MEGF9: variants seen among roughly 807,000 people sequenced by gnomAD.
MEGF9 encodes multiple EGF like domains 9.
MEGF9 carries 6 observed loss-of-function variants against 46.8 expected under a neutral mutation model. The ratio of observed to expected loss-of-function variants is 0.13; its 90% CI spans 0.07 to 0.25. MEGF9 has a LOEUF of 0.25. Ranked by LOEUF, MEGF9 falls within the 10% of genes least tolerant of loss-of-function variation. The pLI, the probability that MEGF9 is intolerant of heterozygous loss-of-function variation, is 1.00. For missense variants in MEGF9, 683 were observed against 792.4 expected (o/e 0.86, Z 1.66); for synonymous variants, 302 against 330.7 (o/e 0.91, Z 0.94).
rs775513446 is a variant in MEGF9 at position 120,605,110 on chromosome 9, A to G, written c.*80T>C. Reference sequence around the variant, plus strand: ...TGCCTTTGCTTTCTCAGCAAACTCTAGCCAGGCTTTGTCTGGCCCAGGGGC... The same window carrying G: ...TGCCTTTGCTTTCTCAGCAAACTCTGGCCAGGCTTTGTCTGGCCCAGGGGC... On this transcript the variant is annotated 3_prime_UTR_variant, in exon 6 of 6. Transcript: ENST00000373930. The surrounding 1 kb of genome is among the most constrained non-coding windows in gnomAD (Gnocchi z 4.0). The G allele has an allele frequency of 4.9e-6, 7 of 1,414,430 alleles. No individual in the cohort carries two copies. The highest frequency in any genetic ancestry group is 6.7e-6 in the Non-Finnish European group (7 of 1,045,288). 87.6% of individuals were successfully genotyped at this position (1,414,430 alleles called of 1,614,324 possible). A position where few individuals can be genotyped will look rare whatever the true frequency, so the allele number is the denominator to read the frequency against.
intron 1 of MEGF9, among the ~76,000 whole-genome samples, chr9:120,688,600 A>G (rs1002423124): frequency 6.6e-6 from 1 of 152,206 alleles, no homozygotes; most frequent in Non-Finnish European, 1.5e-5. Flanking sequence ...AAATAGGTTA[A>G]GTATTTAGTA....
chr9:120,703,971 T>C lies in MEGF9; in HGVS notation c.601+9787A>G, dbSNP rs534955979. Among the ~76,000 whole-genome samples the C allele has an allele frequency of 1.4e-3, 208 of 145,836 alleles. 1 individual carries two copies. Among genetic ancestry groups the C allele is most frequent in the Non-Finnish European group, 8.4e-4 (56 of 66,504 alleles). The stretch of plus-strand genomic sequence containing the variant: ...CTGGGAGACAGAGTGAGACTCTATC[T>C]CAAAAAAAAAAAAGATAATGCCAAA... On this transcript the variant is annotated intron_variant, in intron 1 of 5. Coordinates refer to ENST00000373930, the MANE Select transcript of MEGF9 (RefSeq NM_001080497.3).
At chr9:120,647,588 G>T (rs2043631347) in intron 2 of MEGF9, among the ~76,000 whole-genome samples, 2 of 152,018 alleles carry the variant, frequency 1.3e-5, no homozygotes, top group Admixed American at 6.6e-5. Flanking sequence ...ACTAGAGATT[G>T]GTATAATTGC....
intron 3 of MEGF9, among the ~76,000 whole-genome samples, chr9:120,615,694 A>C (rs2043469265): frequency 6.6e-6 from 1 of 152,102 alleles, no homozygotes; most frequent in Non-Finnish European, 1.5e-5. Flanking sequence ...CCAGAGTTTG[A>C]GACCAGCCTG....
chr9:120,602,670 T>A lies in MEGF9; in HGVS notation c.*2520A>T, dbSNP rs1229172953. 1 of 152,194 alleles carries A rather than the reference T, an allele frequency of 6.6e-6. No homozygotes were observed. The highest frequency in any genetic ancestry group is 1.5e-5 in the Non-Finnish European group (1 of 68,050). The allele number at this position is 152,194 out of a possible 1,614,324, so 9.4% of individuals were successfully genotyped here. ...GAATTTCTACATGGTCAAAATCCTCTTAGACTCCAACAAACCTCCTTTCTC... is the reference window on the plus strand; with the variant it reads ...GAATTTCTACATGGTCAAAATCCTCATAGACTCCAACAAACCTCCTTTCTC... On this transcript the variant is annotated 3_prime_UTR_variant, in exon 6 of 6. Transcript: ENST00000373930.
At chr9:120,699,406 A>G (rs1221269284) in intron 1 of MEGF9, among the ~76,000 whole-genome samples, 1 of 152,090 alleles carries the variant, frequency 6.6e-6, no homozygotes, top group Non-Finnish European at 1.5e-5. Flanking sequence ...GAAAATGAAC[A>G]TAGATTATTT....
At chr9:120,615,208 C>T (rs951719963) in intron 3 of MEGF9, among the ~76,000 whole-genome samples, 1 of 151,470 alleles carries the variant, frequency 6.6e-6, no homozygotes, top group Non-Finnish European at 1.5e-5. Context: ...AATTGCAATC[C>T]AGCCTGGGCA....
At chr9:120,640,260 GA>G (rs1258273655) in intron 2 of MEGF9, among the ~76,000 whole-genome samples, 1 of 152,114 alleles carries the variant, frequency 6.6e-6, no homozygotes, top group African/African-American at 2.4e-5. Context: ...CTGCATCAGG[GA>G]CTCTACTTGC....
At chr9:120,692,869 C>G (rs984194139) in intron 1 of MEGF9, among the ~76,000 whole-genome samples, 2 of 152,164 alleles carry the variant, frequency 1.3e-5, no homozygotes, top group African/African-American at 2.4e-5. Context: ...GAAAGCCTTT[C>G]CTGACATTGT....
Position 120,659,983 on chromosome 9 carries a change from CATACTAG to C in MEGF9, c.602-415_602-409del, listed in dbSNP as rs1416138660. 3.3e-5 allele frequency among the ~76,000 whole-genome samples: 5 copies of C among 150,616 alleles called. No individual in the cohort carries two copies. In the Admixed American group the frequency reaches 3.3e-4, roughly 10 times the overall value. On this transcript the variant is annotated intron_variant, in intron 1 of 5. Coordinates refer to ENST00000373930, the MANE Select transcript of MEGF9 (RefSeq NM_001080497.3). ...TTAACTTTGGCAACCGATTCAAGGT[CATACTAG>C]ATTGTGCCATAGCTAGAATCATAAG...
chr9:120,657,723 A>G (rs1009714876), intron 2 of MEGF9, among the ~76,000 whole-genome samples: 4 of 152,008 alleles, frequency 2.6e-5, no homozygotes, highest in African/African-American at 7.3e-5. Context: ...TCTATTCTCA[A>G]TCTCAAAGAA....
At chr9:120,654,323 T>C (rs1345862188) in intron 2 of MEGF9, among the ~76,000 whole-genome samples, 3 of 151,796 alleles carry the variant, frequency 2.0e-5, no homozygotes, top group Non-Finnish European at 4.4e-5. Context: ...ACATAGAAAA[T>C]AGTCCATATA....
Position 120,714,293 on chromosome 9 carries a change from G to C in MEGF9, c.66C>G (p.Cys22Trp). The change falls in exon 1 of 6, where the codon TGC becomes TGG. Residue 22 changes from cysteine to tryptophan, a missense_variant. Transcript: ENST00000373930. ...LPSLGGLALL[C>W]CAAAAAAAAV... The stretch of plus-strand genomic sequence containing the variant: ...CGGCGGCGGCGGCGGCGGCGGCGCA[G>C]CACAACAGGGCGAGGCCGCCCAGGC... 1 of 1,288,682 alleles carries C rather than the reference G, an allele frequency of 7.8e-7. No individual in the cohort carries two copies. Among genetic ancestry groups the C allele is most frequent in the South Asian group, 2.3e-5 (1 of 43,170 alleles). The allele number at this position is 1,288,682 out of a possible 1,614,324, so 79.8% of individuals were successfully genotyped here.
intron 2 of MEGF9, among the ~76,000 whole-genome samples, chr9:120,636,449 G>A (rs1471918051): frequency 6.6e-6 from 1 of 152,068 alleles, no homozygotes; most frequent in Non-Finnish European, 1.5e-5. Flanking sequence ...TGACAGTGGT[G>A]GCCAGAAATT....
At chr9:120,608,541 C>T (rs543402872) in intron 4 of MEGF9, among the ~76,000 whole-genome samples, 2 of 152,316 alleles carry the variant, frequency 1.3e-5, no homozygotes, top group South Asian at 2.1e-4. Context: ...CTTCTCTGCT[C>T]ATTTTCCATG....
intron 1 of MEGF9, among the ~76,000 whole-genome samples, chr9:120,669,787 C>G (rs2043740549): frequency 6.6e-6 from 1 of 152,070 alleles, no homozygotes; most frequent in East Asian, 1.9e-4. Context: ...AGGATATTTA[C>G]TGTTTTATCT....
chr9:120,661,411 G>A (rs539491823), intron 1 of MEGF9, among the ~76,000 whole-genome samples: 1 of 152,334 alleles, frequency 6.6e-6, no homozygotes, highest in Non-Finnish European at 1.5e-5. Flanking sequence ...TCGCTACTCG[G>A]GAGGCTGAGG....
chr9:120,614,270 AT>A (rs1184258083), intron 3 of MEGF9, among the ~76,000 whole-genome samples: 1 of 152,186 alleles, frequency 6.6e-6, no homozygotes, highest in African/African-American at 2.4e-5. Flanking sequence ...TGATGCGCCC[AT>A]GTAGGCCTCC....
intron 1 of MEGF9, among the ~76,000 whole-genome samples, chr9:120,665,584 T>C (rs1283439766): frequency 1.3e-5 from 2 of 152,242 alleles, no homozygotes; most frequent in Non-Finnish European, 2.9e-5. Context: ...TTTATCTTTC[T>C]GTGCCTTATT....
Sources: gnomAD v4.1 joint callset for allele counts (sites outside exome capture counted in the v4.1 genomes callset) on GRCh38, gnomAD v4.1.1 for gene constraint, Gnocchi (gnomAD v3.1) non-coding constraint, MANE v1.5 for transcripts, NCBI Gene and HGNC (gene_info 2026-07-23, HGNC 2026-07-21) for gene names.